ST6GALNAC3: variants seen among roughly 807,000 people sequenced by gnomAD.
The protein encoded by ST6GALNAC3 is alpha-N-acetylgalactosaminide alpha-2,6-sialyltransferase 3.
Under a neutral mutation model 32.7 loss-of-function variants are expected in ST6GALNAC3, and 25 were observed. That is an observed-to-expected ratio of 0.76 (90% CI 0.56 to 1.07). The LOEUF is 1.07. Ranked by LOEUF, ST6GALNAC3 falls within the 50% of genes least tolerant of loss-of-function variation. The probability of loss-of-function intolerance (pLI) is 0.00; values close to 1 mark genes in which losing one functional copy is unlikely to be tolerated. For synonymous variants in ST6GALNAC3, 129 were observed against 133.1 expected (o/e 0.97, Z 0.21); for missense variants, 355 against 382.4 (o/e 0.93, Z 0.60).
At chr1:76,075,199 T>TC (rs1179413482) in intron 1 of ST6GALNAC3, among the ~76,000 whole-genome samples, 1 of 151,906 alleles carries the variant, frequency 6.6e-6, no homozygotes, top group African/African-American at 2.4e-5. Context: ...TTCCCGCGGG[T>TC]CCCGCGGCTC....
chr1:76,119,861 C>T (rs1363286020), intron 1 of ST6GALNAC3, among the ~76,000 whole-genome samples: 5 of 72,132 alleles, frequency 6.9e-5, no homozygotes, highest in Non-Finnish European at 1.2e-4. Context: ...GGGAATTGGT[C>T]CTTAACTGGC....
In ST6GALNAC3 at chr1:76,568,547, C is replaced by T. The variant is rs1397288573; in HGVS notation, c.624-58905C>T. On this transcript the variant is annotated intron_variant, in intron 3 of 4. Coordinates refer to ENST00000328299, the MANE Select transcript of ST6GALNAC3 (RefSeq NM_152996.4). ...GCAATTTGGAATCTCTACAGGAGCC[C>T]GACTACATTAAACCAATGCATGGAT... is the stretch of plus-strand genomic sequence containing the variant. Among the ~76,000 whole-genome samples the T allele has an allele frequency of 2.6e-5, 4 of 152,112 alleles. No individual in the cohort carries two copies. The South Asian group carries it at 6.2e-4, about 24-fold the overall frequency.
intron 3 of ST6GALNAC3, among the ~76,000 whole-genome samples, chr1:76,524,844 A>G (rs1186380095): frequency 6.6e-6 from 1 of 151,794 alleles, no homozygotes; most frequent in African/African-American, 2.4e-5. Context: ...GACTTTAATC[A>G]TCTGGTCCCT....
At chr1:76,562,356 C>A (rs1001084787) in intron 3 of ST6GALNAC3, among the ~76,000 whole-genome samples, 1 of 152,098 alleles carries the variant, frequency 6.6e-6, no homozygotes, top group Admixed American at 6.6e-5. Flanking sequence ...AGGATATAAG[C>A]AAAGACCATG....
At chr1:76,166,398 G>A (rs1652128968) in intron 1 of ST6GALNAC3, among the ~76,000 whole-genome samples, 1 of 152,248 alleles carries the variant, frequency 6.6e-6, no homozygotes, top group African/African-American at 2.4e-5. Context: ...TTTGGTTACT[G>A]TAGCTGTGTA....
chr1:76,483,657 T>C (rs995226658), intron 3 of ST6GALNAC3, among the ~76,000 whole-genome samples: 2 of 152,150 alleles, frequency 1.3e-5, no homozygotes, highest in Non-Finnish European at 2.9e-5. Context: ...AAAATTTTCT[T>C]CCATTCTGTA....
chr1:76,397,706 T>A (rs1460304468), intron 2 of ST6GALNAC3, among the ~76,000 whole-genome samples: 1 of 152,106 alleles, frequency 6.6e-6, no homozygotes, highest in Non-Finnish European at 1.5e-5. Context: ...CATTTGCATA[T>A]CTCTTACTCA....
chr1:76,181,111 C>T (rs1045855271), intron 1 of ST6GALNAC3, among the ~76,000 whole-genome samples: 7 of 152,226 alleles, frequency 4.6e-5, no homozygotes, highest in Admixed American at 3.3e-4. Flanking sequence ...CTGCACCTGT[C>T]CGTCTGCATG....
In ST6GALNAC3 at chr1:76,579,004, G is replaced by A. The variant is rs983337677; in HGVS notation, c.624-48448G>A. On this transcript the variant is annotated intron_variant, in intron 3 of 4. Transcript: ENST00000328299. ...TCTATTTTCATTCTGTCGTGCTTAC[G>A]TATATTCATATGATTTCACATTGGG... 7.9e-5 allele frequency among the ~76,000 whole-genome samples: 12 copies of A among 152,074 alleles called. No individual in the cohort carries two copies. In the South Asian group the frequency reaches 1.2e-3, roughly 16 times the overall value.
chr1:76,621,968 G>T (rs2100705208), intron 3 of ST6GALNAC3, among the ~76,000 whole-genome samples: 1 of 152,068 alleles, frequency 6.6e-6, no homozygotes, highest in East Asian at 1.9e-4. Flanking sequence ...TTTTACCCCT[G>T]AGTATAACAG....
chr1:76,554,375 A>G (rs1351511206), intron 3 of ST6GALNAC3, among the ~76,000 whole-genome samples: 2 of 152,166 alleles, frequency 1.3e-5, no homozygotes, highest in African/African-American at 4.8e-5. Context: ...TGCTATGGGG[A>G]GGGGAGAAAC....
rs1660418413 is a variant in ST6GALNAC3, at chr1:76,296,587, T to C, written c.19-17218T>C. 2.0e-5 allele frequency among the ~76,000 whole-genome samples: 3 copies of C among 152,204 alleles called. No individual in the cohort carries two copies. In the Middle Eastern group the frequency reaches 0.01, roughly 518 times the overall value. ...TACTGTCCATTTCCAGACCATGCTTTATCTTAGAAACCCCAAATGTCCATA... is the reference window on the plus strand; with the variant it reads ...TACTGTCCATTTCCAGACCATGCTTCATCTTAGAAACCCCAAATGTCCATA... On this transcript the variant is annotated intron_variant, in intron 1 of 4. Transcript: ENST00000328299.
At chr1:76,313,744 C>T in intron 1 of ST6GALNAC3, 61 bp from the exon 2 acceptor site, 3 of 1,566,298 alleles carry the variant, frequency 1.9e-6, no homozygotes, top group Non-Finnish European at 2.6e-6. Flanking sequence ...GAACCTCCTT[C>T]TGTGACTGCC....
At chr1:76,583,660 A>G (rs1194469198) in intron 3 of ST6GALNAC3, among the ~76,000 whole-genome samples, 1 of 152,148 alleles carries the variant, frequency 6.6e-6, no homozygotes, top group Non-Finnish European at 1.5e-5. Flanking sequence ...GTATAATGCC[A>G]GGAACTCATC....
chr1:76,509,757 C>T lies in ST6GALNAC3; in HGVS notation c.623+97340C>T, dbSNP rs929034360. On this transcript the variant is annotated intron_variant, in intron 3 of 4. Transcript: ENST00000328299. This position sits in a 1 kb window ranked among gnomAD's most constrained non-coding sequence, Gnocchi z 5.5. Reference sequence around the variant, plus strand: ...CTGCCTACATCCTTGGCTCACGGCCCCACTCCACCAATTTCTGCTTCCATT... The same window carrying T: ...CTGCCTACATCCTTGGCTCACGGCCTCACTCCACCAATTTCTGCTTCCATT... Among the ~76,000 whole-genome samples, 7 of 152,114 alleles carry T rather than the reference C, an allele frequency of 4.6e-5. No homozygotes were observed. Among genetic ancestry groups the T allele is most frequent in the Admixed American group, 6.5e-5 (1 of 15,278 alleles).
At chr1:76,236,590 T>C (rs901709101) in intron 1 of ST6GALNAC3, among the ~76,000 whole-genome samples, 15 of 152,170 alleles carry the variant, frequency 9.9e-5, no homozygotes, top group African/African-American at 3.4e-4. Context: ...GTATCTTCAG[T>C]TTACAAATGG....
intron 3 of ST6GALNAC3, among the ~76,000 whole-genome samples, chr1:76,439,105 T>C (rs557383164): frequency 3.9e-5 from 6 of 152,198 alleles, no homozygotes; most frequent in Non-Finnish European, 8.8e-5. Flanking sequence ...AAGCCTGAAG[T>C]AGATGTTGAG....
intron 3 of ST6GALNAC3, among the ~76,000 whole-genome samples, chr1:76,537,668 A>G (rs1663704589): frequency 1.3e-5 from 2 of 152,196 alleles, no homozygotes; most frequent in Non-Finnish European, 1.5e-5. Flanking sequence ...AAACACAATA[A>G]GAAATGATAA....
chr1:76,377,581 C>T (rs1212289548), intron 2 of ST6GALNAC3, among the ~76,000 whole-genome samples: 1 of 152,134 alleles, frequency 6.6e-6, no homozygotes, highest in Non-Finnish European at 1.5e-5. Context: ...CAGCTCCCAC[C>T]AGGTCCCCCC....
Sources: gnomAD v4.1 joint callset for allele counts (sites outside exome capture counted in the v4.1 genomes callset) on GRCh38, gnomAD v4.1.1 for gene constraint, Gnocchi (gnomAD v3.1) non-coding constraint, MANE v1.5 for transcripts, NCBI Gene and HGNC (gene_info 2026-07-23, HGNC 2026-07-21) for gene names.